The following LRRC7 variants were observed in gnomAD, a reference collection of about 807,000 sequenced individuals.
The protein encoded by LRRC7 is leucine rich repeat containing 7.
LRRC7 carries 23 observed loss-of-function variants against 175.7 expected under a neutral mutation model. That is an observed-to-expected ratio of 0.13 (90% CI 0.09 to 0.19). LRRC7 has a LOEUF of 0.19. LRRC7 is among the 10% of genes least tolerant of loss of function. The pLI, the probability that LRRC7 is intolerant of heterozygous loss-of-function variation, is 1.00. For synonymous variants in LRRC7, 685 were observed against 680.9 expected, an observed-to-expected ratio of 1.01 and a Z score of -0.09; for missense variants, 1,354 against 1,904.7, an observed-to-expected ratio of 0.71 and a Z score of 5.38.
intron 18 of LRRC7, among the ~76,000 whole-genome samples, chr1:70,035,715 G>A (rs1346588818): frequency 3.3e-5 from 5 of 150,722 alleles, no homozygotes; most frequent in South Asian, 2.1e-4. Context: ...ACAATTACAT[G>A]TGTATATATC....
chr1:70,083,789 C>A (rs76796225), intron 24 of LRRC7, among the ~76,000 whole-genome samples: 3,898 of 152,148 alleles, frequency 0.026, 113 homozygotes, highest in African/African-American at 0.07. Context: ...ATTCCCCTTC[C>A]TCACAGTCTA....
chr1:69,610,278 G>A, intron 1 of LRRC7, among the ~76,000 whole-genome samples: 1 of 151,964 alleles, frequency 6.6e-6, no homozygotes, highest in East Asian at 1.9e-4. Context: ...CCTGTGAACT[G>A]ATGGTTAGAT....
At chr1:69,650,539 C>CAAAAAAATAAAAAAAAAA (rs1655666312) in intron 1 of LRRC7, among the ~76,000 whole-genome samples, 1 of 79,220 alleles carries the variant, frequency 1.3e-5, no homozygotes, top group African/African-American at 5.3e-5. Flanking sequence ...GACTCCGTCT[C>CAAAAAAATAAAAAAAAAA]AAAAAAAAAA....
At chr1:70,025,003 A>G (rs1657935389) in intron 17 of LRRC7, among the ~76,000 whole-genome samples, 1 of 152,084 alleles carries the variant, frequency 6.6e-6, no homozygotes. Flanking sequence ...TTTCTTCCAC[A>G]ATATTGTACA....
intron 23 of LRRC7, among the ~76,000 whole-genome samples, chr1:70,068,996 T>C (rs957404098): frequency 1.3e-5 from 2 of 152,352 alleles, no homozygotes; most frequent in Non-Finnish European, 2.9e-5. Context: ...TGGATATTTT[T>C]TTCCTGGGAG....
chr1:69,885,842 A>C (rs1687130752), intron 7 of LRRC7, among the ~76,000 whole-genome samples: 1 of 134,424 alleles, frequency 7.4e-6, no homozygotes, highest in African/African-American at 2.9e-5. Flanking sequence ...GTTTCAAAGA[A>C]CATCTTTATT....
Position 70,112,466 on chromosome 1 carries a change from G to A in LRRC7, c.4620+4640G>A, listed in dbSNP as rs1304859262. On this transcript the variant is annotated intron_variant, in intron 26 of 26. Coordinates refer to ENST00000651989, the MANE Select transcript of LRRC7 (RefSeq NM_001370785.2). ...TCCTAAGGGAGCTAATAGCTAGGGA[G>A]ACAAGGTGAATGTATGCACTCATTA... 3.9e-5 allele frequency among the ~76,000 whole-genome samples: 6 copies of A among 152,180 alleles called. No homozygotes were observed. The East Asian group carries it at 9.6e-4, about 24-fold the overall frequency.
At chr1:69,869,165 G>T (rs904365652) in intron 7 of LRRC7, among the ~76,000 whole-genome samples, 3 of 152,018 alleles carry the variant, frequency 2.0e-5, no homozygotes, top group African/African-American at 7.2e-5. Flanking sequence ...GGAGTTTTGA[G>T]AAAGAAGAGA....
intron 2 of LRRC7, among the ~76,000 whole-genome samples, chr1:69,757,264 A>C (rs1250313363): frequency 6.6e-6 from 1 of 152,032 alleles, no homozygotes; most frequent in Non-Finnish European, 1.5e-5. Flanking sequence ...CAGCAATCCC[A>C]CCTTCCAACC....
chr1:69,836,975 CCCAAACATTAATGATTCAGAGAAT>C (rs1324756110), intron 6 of LRRC7, among the ~76,000 whole-genome samples: 1 of 151,556 alleles, frequency 6.6e-6, no homozygotes, highest in African/African-American at 2.4e-5. Context: ...AAAATATTTC[CCCAAACATTAATGATTCAGAGAAT>C]CCAATTAATA....
intron 17 of LRRC7, among the ~76,000 whole-genome samples, chr1:70,025,283 T>G (rs895491311): frequency 1.3e-5 from 2 of 150,586 alleles, no homozygotes; most frequent in Non-Finnish European, 3.0e-5. Flanking sequence ...TAATTTATAT[T>G]TAAACCTATA....
chr1:69,638,716 G>C (rs1234598945), intron 1 of LRRC7, among the ~76,000 whole-genome samples: 1 of 151,620 alleles, frequency 6.6e-6, no homozygotes, highest in Admixed American at 6.6e-5. Context: ...TGGAACCATA[G>C]AGATCTGTTC....
intron 2 of LRRC7, among the ~76,000 whole-genome samples, chr1:69,687,489 T>A (rs1570357953): frequency 1.2e-5 from 1 of 82,716 alleles, no homozygotes; most frequent in Non-Finnish European, 2.2e-5. Flanking sequence ...CAGCCTGGTC[T>A]ACAAAGCAAG....
In LRRC7 at chr1:69,568,512, C is replaced by T. The variant is rs1461016384; in HGVS notation, c.-128C>T. ...CTGTTCTTCCTACCTTCTACTCCTTCCCTCCTCTTCTCCTCCGAAGACCCT... is the reference window on the plus strand; with the variant it reads ...CTGTTCTTCCTACCTTCTACTCCTTTCCTCCTCTTCTCCTCCGAAGACCCT... On this transcript the variant is annotated 5_prime_UTR_variant, in exon 1 of 27. Transcript: ENST00000651989. 2.5e-6 allele frequency: 2 copies of T among 809,642 alleles called. No individual in the cohort carries two copies. Among genetic ancestry groups the T allele is most frequent in the Non-Finnish European group, 3.6e-6 (2 of 562,712 alleles). 50.2% of individuals were successfully genotyped at this position (809,642 alleles called of 1,614,324 possible). A position where few individuals can be genotyped will look rare whatever the true frequency, so the allele number is the denominator to read the frequency against.
At chr1:70,016,791 AT>A (rs1266899408) in intron 14 of LRRC7, among the ~76,000 whole-genome samples, 6 of 152,114 alleles carry the variant, frequency 3.9e-5, no homozygotes, top group Non-Finnish European at 5.9e-5. Flanking sequence ...CAAAATGATC[AT>A]TTTTATAGCT....
chr1:69,660,362 C>T (rs919114898), intron 1 of LRRC7, among the ~76,000 whole-genome samples: 1 of 152,032 alleles, frequency 6.6e-6, no homozygotes, highest in Non-Finnish European at 1.5e-5. Flanking sequence ...AGTGTTTATG[C>T]TTTTCTCACT....
chr1:70,079,109 A>T (rs1663027907), intron 24 of LRRC7, among the ~76,000 whole-genome samples: 1 of 152,212 alleles, frequency 6.6e-6, no homozygotes, highest in Admixed American at 6.5e-5. Flanking sequence ...TAATAAGTGT[A>T]TGTGGCTGTG....
At chr1:69,700,319 T>C (rs1663184336) in intron 2 of LRRC7, among the ~76,000 whole-genome samples, 1 of 152,234 alleles carries the variant, frequency 6.6e-6, no homozygotes, top group Non-Finnish European at 1.5e-5. Flanking sequence ...ATTGAGTTAA[T>C]GTATGTAAAG....
At chr1:69,739,393 C>T (rs1045364798) in intron 2 of LRRC7, among the ~76,000 whole-genome samples, 2 of 151,964 alleles carry the variant, frequency 1.3e-5, no homozygotes, top group East Asian at 3.9e-4. Context: ...CCCTGTAAGC[C>T]CAGGAATGTA....
Sources: allele counts gnomAD v4.1 joint callset (sites outside exome capture counted in the v4.1 genomes callset), GRCh38; gene constraint gnomAD v4.1.1; transcripts MANE v1.5; gene names NCBI Gene and HGNC (gene_info 2026-07-23, HGNC 2026-07-21).